Variants in DHX37 observed in about 807,000 individuals in gnomAD.
DHX37 encodes the protein DEAH-box helicase 37.
A neutral mutation model predicts 134.3 loss-of-function variants in DHX37; 52 were observed. The observed-to-expected ratio is 0.39, with a 90% CI of 0.31 to 0.49. The LOEUF is 0.49. Ranked by LOEUF, DHX37 falls within the 20% of genes least tolerant of loss-of-function variation. The pLI is 0.93. For missense variants in DHX37, 1,344 were observed against 1,580.8 expected (o/e 0.85, Z 2.54); for synonymous variants, 634 against 670.7 (o/e 0.95, Z 0.85).
chr12:124,951,743 G>A (rs1464640952), intron 21 of DHX37, among the ~76,000 whole-genome samples: 4 of 152,022 alleles, frequency 2.6e-5, no homozygotes, highest in African/African-American at 9.7e-5. Flanking sequence ...AGGCCGAGGT[G>A]GGCAGATCAC....
chr12:124,968,412 C>A, intron 10 of DHX37, 122 bp downstream of exon 10: 1 of 1,493,142 alleles, frequency 6.7e-7, no homozygotes, highest in Non-Finnish European at 9.0e-7. Context: ...GTGAGGAAGC[C>A]GAGGCCTGGC....
rs376028613 is a variant in DHX37, at chr12:124,965,660, G to A, written c.1735+8C>T. ...GAACATGAGCAGGAATCGGTGCTCG[G>A]GCCACACCTCCATCTTGCCCGCCAT... On this transcript the variant is annotated splice_region_variant and intron_variant, in intron 13 of 26. Transcript: ENST00000308736. The A allele has an allele frequency of 6.2e-7, 1 of 1,600,734 alleles. No homozygotes were observed. Among genetic ancestry groups the A allele is most frequent in the African/African-American group, 1.3e-5 (1 of 74,746 alleles).
At chr12:124,983,785 CAAA>C (rs11298102) in intron 2 of DHX37, among the ~76,000 whole-genome samples, 11 of 117,400 alleles carry the variant, frequency 9.4e-5, no homozygotes, top group African/African-American at 6.4e-5. Context: ...ACCTTGTCTC[CAAA>C]AAAAAAAAAA....
rs376470858 is a variant in DHX37 at position 124,980,723 on chromosome 12, A to ACTCCTC, written c.499_504dup (p.Glu167_Glu168dup). On this transcript the variant is annotated inframe_insertion, in exon 4 of 27. Coordinates refer to ENST00000308736, the MANE Select transcript of DHX37 (RefSeq NM_032656.4). The surrounding 1 kb of genome is among the most constrained non-coding windows in gnomAD (Gnocchi z 5.3). ...GACTCCTCCTCCAGCTCCGATTCCG[A>ACTCCTC]CTCCTCCTCCTCCTCCTCCTCCTCC... 855 of 1,533,554 alleles carry ACTCCTC rather than the reference A, an allele frequency of 5.6e-4. 4 individuals carry two copies. In the African/African-American group the frequency reaches 8.9e-3, roughly 16 times the overall value. 95.0% of individuals were successfully genotyped at this position (1,533,554 alleles called of 1,614,324 possible). A position where few individuals can be genotyped will look rare whatever the true frequency, so the allele number is the denominator to read the frequency against.
chr12:124,955,172 C>T (rs937777051), intron 18 of DHX37, among the ~76,000 whole-genome samples: 1 of 152,230 alleles, frequency 6.6e-6, no homozygotes, highest in Non-Finnish European at 1.5e-5. Context: ...GCCCAGATAG[C>T]TAATTAAGCC....
At position 124,965,681 on chromosome 12, in the gene DHX37, G is replaced by T; in HGVS notation, c.1722C>A (p.Gly574=). The T allele has an allele frequency of 6.2e-7, 1 of 1,607,858 alleles. No homozygotes were observed. The highest frequency in any genetic ancestry group is 8.5e-7 in the Non-Finnish European group (1 of 1,176,592). Residue 574 remains glycine, a synonymous_variant, in exon 13 of 27, where the codon GGC becomes GGA. Transcript: ENST00000308736. Reference sequence around the variant, plus strand: ...CTCGGGCCACACCTCCATCTTGCCCGCCATCCCCCAGGTCCAGATCGAGGT... The same window carrying T: ...CTCGGGCCACACCTCCATCTTGCCCTCCATCCCCCAGGTCCAGATCGAGGT... The part of the protein sequence containing the change: ...DSDLDLDLGD[G]GQDGGEQPDA...
Position 124,968,668 on chromosome 12 carries a change from G to A in DHX37, c.1294-20C>T, listed in dbSNP as rs1386010180. The A allele has an allele frequency of 6.2e-7, 1 of 1,613,188 alleles. No individual in the cohort carries two copies. The highest frequency in any genetic ancestry group is 1.7e-5 in the Admixed American group (1 of 60,018). On this transcript the variant is annotated intron_variant, in intron 9 of 26. Coordinates refer to ENST00000308736, the MANE Select transcript of DHX37 (RefSeq NM_032656.4). Reference sequence around the variant, plus strand: ...TTCCACCTGTGGGACGCCCAGGAAGGCATGGGGAGTGGGGGGGACACGAGC... The same window carrying A: ...TTCCACCTGTGGGACGCCCAGGAAGACATGGGGAGTGGGGGGGACACGAGC...
Position 124,961,967 on chromosome 12 carries a change from GGGTGA to G in DHX37, c.2046-1549_2046-1545del, listed in dbSNP as rs369211598. ...TTCATATTAAAAAAAAAGTGGGGGT[GGGTGA>G]GGTAAGGGCACCTGTTCTCAGGACC... is the stretch of plus-strand genomic sequence containing the variant. On this transcript the variant is annotated intron_variant, in intron 15 of 26. Transcript: ENST00000308736. 6.1e-3 allele frequency among the ~76,000 whole-genome samples: 928 copies of G among 152,228 alleles called. 14 individuals carry two copies. Among genetic ancestry groups the G allele is most frequent in the African/African-American group, 0.021 (873 of 41,528 alleles).
intron 8 of DHX37, among the ~76,000 whole-genome samples, chr12:124,970,097 C>A (rs1313390875): frequency 6.6e-6 from 1 of 152,206 alleles, no homozygotes; most frequent in Admixed American, 6.5e-5. Context: ...CTCAGCCTCC[C>A]GAGTAGTTGA....
Position 124,980,431 on chromosome 12 carries a change from C to G in DHX37, c.738+59G>C, listed in dbSNP as rs368066189. ...CCTTGCCCCACTTCACCAGGACGCC[C>G]TCTGTGCGCCCCTTGCCCGCTAACC... On this transcript the variant is annotated intron_variant, in intron 4 of 26. Transcript: ENST00000308736. This position sits in a 1 kb window ranked among gnomAD's most constrained non-coding sequence, Gnocchi z 5.3. 3.2e-6 allele frequency: 5 copies of G among 1,564,622 alleles called. No individual in the cohort carries two copies. The highest frequency in any genetic ancestry group is 4.3e-6 in the Non-Finnish European group (5 of 1,157,992).
intron 25 of DHX37, among the ~76,000 whole-genome samples, chr12:124,948,891 C>G (rs1327951552): frequency 1.3e-5 from 2 of 148,512 alleles, no homozygotes; most frequent in African/African-American, 5.2e-5. Flanking sequence ...ACAGAAGGCT[C>G]TAGATCCCAC....
Position 124,989,017 on chromosome 12 carries a change from C to A in DHX37, c.6G>T (p.Gly2=). M[G]KLRRRYNIKG... ...TGATGTTGTAGCGCCGGCGCAGCTTCCCCATGGCGACTAGGCCAGGGTGGG... is the reference window on the plus strand; with the variant it reads ...TGATGTTGTAGCGCCGGCGCAGCTTACCCATGGCGACTAGGCCAGGGTGGG... Residue 2 remains glycine (G), a synonymous_variant, in exon 1 of 27, where the codon GGG becomes GGT. Coordinates refer to ENST00000308736, the MANE Select transcript of DHX37 (RefSeq NM_032656.4). 1.5e-6 allele frequency: 2 copies of A among 1,370,824 alleles called. No individual in the cohort carries two copies. The highest frequency in any genetic ancestry group is 1.9e-6 in the Non-Finnish European group (2 of 1,054,694). The allele number at this position is 1,370,824 out of a possible 1,614,324, so 84.9% of individuals were successfully genotyped here.
At chr12:124,968,817 G>C (rs761072555) in intron 9 of DHX37, 50 bp downstream of exon 9, 1 of 1,609,930 alleles carries the variant, frequency 6.2e-7, no homozygotes, top group Middle Eastern at 1.7e-4. Flanking sequence ...CCGACACCAG[G>C]GCGTCCTTGT....
intron 8 of DHX37, among the ~76,000 whole-genome samples, chr12:124,970,142 T>A (rs1426264838): frequency 6.6e-6 from 1 of 152,084 alleles, no homozygotes; most frequent in African/African-American, 2.4e-5. Context: ...CTGGCTAATT[T>A]TTCGTTTTTT....
intron 11 of DHX37, 121 bp from the exon 12 acceptor site, chr12:124,966,999 G>A: frequency 6.5e-7 from 1 of 1,534,040 alleles, no homozygotes; most frequent in Non-Finnish European, 9.0e-7. Context: ...GGTGAGGTGG[G>A]GGATGGCAAA....
chr12:124,948,025 C>A (rs982402704), intron 26 of DHX37, 59 bp downstream of exon 26: 2 of 1,614,056 alleles, frequency 1.2e-6, no homozygotes, highest in East Asian at 4.5e-5. Context: ...AAGCACAAAG[C>A]CCCTGCCTCA....
chr12:124,950,372 TGCA>T (rs561761940), intron 23 of DHX37, 38 bp downstream of exon 23: 499 of 1,594,328 alleles, frequency 3.1e-4, no homozygotes, highest in Non-Finnish European at 4.2e-4. Flanking sequence ...AGCCCACGGC[TGCA>T]GGAGGCTCAG....
chr12:124,961,234 A>T (rs1388978500), intron 15 of DHX37, among the ~76,000 whole-genome samples: 3 of 77,874 alleles, frequency 3.9e-5, no homozygotes, highest in East Asian at 2.0e-3. Context: ...GCACGCACAC[A>T]CACATACACG....
intron 2 of DHX37, among the ~76,000 whole-genome samples, chr12:124,985,087 C>T (rs902596765): frequency 2.0e-5 from 3 of 152,168 alleles, no homozygotes; most frequent in African/African-American, 7.2e-5. Context: ...ATGACCCTCC[C>T]CTGAGCCCAG....
Sources: gnomAD v4.1 joint callset for allele counts (sites outside exome capture counted in the v4.1 genomes callset) on GRCh38, gnomAD v4.1.1 for gene constraint, Gnocchi (gnomAD v3.1) non-coding constraint, MANE v1.5 for transcripts, NCBI Gene and HGNC (gene_info 2026-07-23, HGNC 2026-07-21) for gene names.